The following MTREX variants were observed in gnomAD, a reference collection of about 807,000 sequenced individuals.
MTREX encodes Mtr4 exosome RNA helicase, also known as exosome RNA helicase MTR4.
MTREX carries 76 observed loss-of-function variants against 135.4 expected under a neutral mutation model. The observed-to-expected ratio is 0.56, with a 90% CI of 0.47 to 0.68. The LOEUF (loss-of-function observed/expected upper bound fraction) is 0.68. MTREX is among the 30% of genes least tolerant of loss of function. The pLI, the probability that MTREX is intolerant of heterozygous loss-of-function variation, is 0.00. For synonymous variants in MTREX, 404 were observed against 401.6 expected (o/e 1.01, Z -0.07); for missense variants, 920 against 1,262.1 (o/e 0.73, Z 4.11).
intron 25 of MTREX, among the ~76,000 whole-genome samples, chr5:55,419,403 T>A (rs930596206): frequency 2.0e-5 from 3 of 152,254 alleles, no homozygotes; most frequent in Non-Finnish European, 2.9e-5. Context: ...CTGTAATGAT[T>A]AAAACCATGT....
intron 25 of MTREX, among the ~76,000 whole-genome samples, chr5:55,420,859 A>G (rs189719715): frequency 1.3e-5 from 2 of 152,346 alleles, no homozygotes; most frequent in Admixed American, 6.5e-5. Flanking sequence ...TGGTGTGTGA[A>G]TTCTGTCTCC....
intron 2 of MTREX, 48 bp from the exon 3 acceptor site, chr5:55,324,084 A>G: frequency 1.5e-6 from 2 of 1,358,764 alleles, no homozygotes; most frequent in East Asian, 2.5e-5. Flanking sequence ...TTATCAAATT[A>G]TAGAAAAGTA....
intron 3 of MTREX, among the ~76,000 whole-genome samples, chr5:55,326,450 G>A (rs1170323082): frequency 6.6e-6 from 1 of 151,956 alleles, no homozygotes; most frequent in African/African-American, 2.4e-5. Flanking sequence ...ATTCTCAGGA[G>A]GTCAAAAGCC....
At chr5:55,398,362 A>C (rs562538236) in intron 20 of MTREX, among the ~76,000 whole-genome samples, 14 of 152,348 alleles carry the variant, frequency 9.2e-5, no homozygotes, top group African/African-American at 3.4e-4. Context: ...AAGCAAAGAT[A>C]AGTAGGATGC....
intron 22 of MTREX, among the ~76,000 whole-genome samples, chr5:55,406,410 A>G (rs936569911): frequency 6.6e-5 from 10 of 152,178 alleles, no homozygotes; most frequent in African/African-American, 2.4e-4. Flanking sequence ...GCTTCTTCAC[A>G]GTATGGCAGC....
chr5:55,347,112 C>A lies in MTREX; in HGVS notation c.1208C>A (p.Ala403Glu). 1 of 1,605,644 alleles carries A rather than the reference C, an allele frequency of 6.2e-7. No individual in the cohort carries two copies. Among genetic ancestry groups the A allele is most frequent in the Non-Finnish European group, 8.5e-7 (1 of 1,175,942 alleles). ...AGTAAGAAAGATTGTGAAGCCTATG[C>A]ACTTCAAATGACCAAATTAGATTTC... ...SFSKKDCEAY[A>E]LQMTKLDFNT... The change falls in exon 11 of 27, where the codon GCA becomes GAA. Residue 403 changes from alanine (A) to glutamate (E), a missense_variant. By Grantham distance (107) the Ala-to-Glu change is moderately radical. Transcript: ENST00000230640.
At chr5:55,363,829 A>G (rs1422208836) in intron 15 of MTREX, among the ~76,000 whole-genome samples, 1 of 152,212 alleles carries the variant, frequency 6.6e-6, no homozygotes, top group South Asian at 2.1e-4. Flanking sequence ...GAAAACTGTT[A>G]TGAATGTTGT....
intron 1 of MTREX, among the ~76,000 whole-genome samples, chr5:55,314,369 A>T (rs1173403582): frequency 6.6e-6 from 1 of 152,216 alleles, no homozygotes; most frequent in Admixed American, 6.5e-5. Context: ...TCATGCTGCT[A>T]ATCAGTTGAC....
At chr5:55,361,901 G>GTTTGT (rs1554032676) in intron 15 of MTREX, among the ~76,000 whole-genome samples, 8 of 150,790 alleles carry the variant, frequency 5.3e-5, no homozygotes, top group African/African-American at 1.7e-4. Flanking sequence ...CCTTGTTGTT[G>GTTTGT]TTGTTTGTTT....
In MTREX at chr5:55,425,210, G is replaced by A. The variant is rs374700270; in HGVS notation, c.*438G>A. On this transcript the variant is annotated 3_prime_UTR_variant, in exon 27 of 27. Transcript: ENST00000230640. Reference sequence around the variant, plus strand: ...ACCTGGGCACCCTGCTGCCTTTCAAGGCTGGTGATTGCTCGGATAGTGATT... The same window carrying A: ...ACCTGGGCACCCTGCTGCCTTTCAAAGCTGGTGATTGCTCGGATAGTGATT... 4.5e-5 allele frequency: 73 copies of A among 1,613,024 alleles called. No homozygotes were observed. The highest frequency in any genetic ancestry group is 5.8e-5 in the Non-Finnish European group (68 of 1,179,734).
At chr5:55,332,192 A>G (rs1049077911) in intron 5 of MTREX, among the ~76,000 whole-genome samples, 1 of 152,160 alleles carries the variant, frequency 6.6e-6, no homozygotes. Flanking sequence ...GGTGATGAAT[A>G]CTAATGTTTG....
chr5:55,310,211 A>T (rs2112014283), intron 1 of MTREX, among the ~76,000 whole-genome samples: 1 of 152,370 alleles, frequency 6.6e-6, no homozygotes, highest in South Asian at 2.1e-4. Flanking sequence ...TATATTAGGA[A>T]ATGAATATTA....
chr5:55,425,360 T>C lies in MTREX; in HGVS notation c.*588T>C, dbSNP rs778440327. 5 of 1,557,422 alleles carry C rather than the reference T, an allele frequency of 3.2e-6. No individual in the cohort carries two copies. Among genetic ancestry groups the C allele is most frequent in the Admixed American group, 3.7e-5 (2 of 53,798 alleles). ...CTACAGTGCAAAATATTTAATGGTA[T>C]AATTTAGATCAAGTTAAAAACTACA... On this transcript the variant is annotated 3_prime_UTR_variant, in exon 27 of 27. Coordinates refer to ENST00000230640, the MANE Select transcript of MTREX (RefSeq NM_015360.5).
intron 20 of MTREX, among the ~76,000 whole-genome samples, chr5:55,399,809 A>AT (rs947854788): frequency 6.6e-6 from 1 of 152,202 alleles, no homozygotes. Context: ...TAAAAAGTCT[A>AT]TACTTTACAA....
At chr5:55,375,643 C>T (rs1024938847) in intron 16 of MTREX, among the ~76,000 whole-genome samples, 3 of 151,944 alleles carry the variant, frequency 2.0e-5, no homozygotes, top group East Asian at 1.9e-4. Context: ...GGTCCTGAGG[C>T]GATATACATC....
intron 16 of MTREX, among the ~76,000 whole-genome samples, chr5:55,376,278 G>C (rs1411918820): frequency 1.3e-5 from 2 of 152,186 alleles, no homozygotes; most frequent in African/African-American, 4.8e-5. Flanking sequence ...AGGAATATGG[G>C]GTGATGCAGA....
rs1264932142 is a variant in MTREX at position 55,385,090 on chromosome 5, G to T, written c.2053-2884G>T. 2.6e-5 allele frequency among the ~76,000 whole-genome samples: 4 copies of T among 152,154 alleles called. No individual in the cohort carries two copies. The East Asian group carries it at 7.7e-4, about 29-fold the overall frequency. Reference sequence around the variant, plus strand: ...GTCCTTTGGGAAGATATTAAGAGTTGTCTGTTTTAAGGCATATTTCTTCAC... The same window carrying T: ...GTCCTTTGGGAAGATATTAAGAGTTTTCTGTTTTAAGGCATATTTCTTCAC... On this transcript the variant is annotated intron_variant, in intron 18 of 26. Coordinates refer to ENST00000230640, the MANE Select transcript of MTREX (RefSeq NM_015360.5).
At chr5:55,408,722 A>T (rs2111609193) in intron 22 of MTREX, among the ~76,000 whole-genome samples, 1 of 152,200 alleles carries the variant, frequency 6.6e-6, no homozygotes, top group East Asian at 1.9e-4. Context: ...ACAGTTGCAA[A>T]TTCAGAATTT....
intron 16 of MTREX, 72 bp downstream of exon 16, chr5:55,366,947 C>A: frequency 7.9e-7 from 1 of 1,258,568 alleles, no homozygotes; most frequent in Non-Finnish European, 1.1e-6. Context: ...GCATTATTGG[C>A]TGCTTTGGCT....
Sources: gnomAD v4.1 joint callset for allele counts (sites outside exome capture counted in the v4.1 genomes callset) on GRCh38, gnomAD v4.1.1 for gene constraint, MANE v1.5 for transcripts, NCBI Gene and HGNC (gene_info 2026-07-23, HGNC 2026-07-21) for gene names.